The following ITGA1 variants were observed in gnomAD, a reference collection of about 807,000 sequenced individuals.
ITGA1 encodes the protein integrin alpha-1.
ITGA1 carries 85 observed loss-of-function variants against 145.9 expected under a neutral mutation model. That is an observed-to-expected ratio of 0.58 (90% CI 0.49 to 0.70). The LOEUF (loss-of-function observed/expected upper bound fraction) is 0.70, where lower values mean the gene tolerates loss of function less well. Ranked by LOEUF, ITGA1 falls within the 30% of genes least tolerant of loss-of-function variation. ITGA1 has a pLI of 0.00. For missense variants in ITGA1, 1,351 were observed against 1,418.7 expected (o/e 0.95, Z 0.77); for synonymous variants, 520 against 495.3 (o/e 1.05, Z -0.66).
chr5:52,937,259 G>A (rs553892687), intron 23 of ITGA1, 142 bp from the exon 24 acceptor site: 22 of 640,602 alleles, frequency 3.4e-5, no homozygotes, highest in African/African-American at 3.3e-4. Flanking sequence ...TCTCTGTACA[G>A]CACCATAAAG....
chr5:52,800,700 CGAGCTG>C, intron 1 of ITGA1: 3 of 1,614,220 alleles, frequency 1.9e-6, no homozygotes, highest in Non-Finnish European at 2.5e-6. Flanking sequence ...ACCACACCAT[CGAGCTG>C]GAGCCCAACC....
intron 2 of ITGA1, among the ~76,000 whole-genome samples, chr5:52,857,885 C>A (rs1355235790): frequency 6.6e-6 from 1 of 152,140 alleles, no homozygotes; most frequent in African/African-American, 2.4e-5. Flanking sequence ...CCTTTCTTGG[C>A]CTTTCTTCCT....
intron 26 of ITGA1, among the ~76,000 whole-genome samples, chr5:52,943,451 G>A (rs554330204): frequency 9.3e-4 from 142 of 152,270 alleles, no homozygotes; most frequent in Non-Finnish European, 6.2e-4. Flanking sequence ...TGGTGTTGTT[G>A]TTTGAGCTGT....
intron 1 of ITGA1, chr5:52,803,263 AT>A (rs1323581154): frequency 6.6e-6 from 1 of 152,140 alleles, no homozygotes; most frequent in Non-Finnish European, 1.5e-5. Context: ...ACATATGTAT[AT>A]TTTTGTACAT....
At position 52,937,503 on chromosome 5, in the gene ITGA1, T is replaced by C; in HGVS notation, c.3067T>C (p.Ser1023Pro). 1 of 1,599,478 alleles carries C rather than the reference T, an allele frequency of 6.3e-7. No homozygotes were observed. Among genetic ancestry groups the C allele is most frequent in the Non-Finnish European group, 8.6e-7 (1 of 1,166,814 alleles). ...CCCTGTGCTGTACCCAACTGGATTGTCATCTTCTGAGGTAAGTCATGTGTG... is the reference window on the plus strand; with the variant it reads ...CCCTGTGCTGTACCCAACTGGATTGCCATCTTCTGAGGTAAGTCATGTGTG... ...GYPVLYPTGL[S>P]SSENANCRPH... is the part of the protein sequence containing the mutation. Residue 1023 changes from serine (S) to proline (P), a missense_variant, in exon 24 of 29, where the codon TCA becomes CCA. Transcript: ENST00000282588.
chr5:52,933,981 T>C lies in ITGA1; in HGVS notation c.2949T>C (p.Ile983=). ...INSTEDIGNE[I]NIFYLIRKSG... is the part of the protein sequence containing the mutation. ...CTACTGAGGACATTGGAAATGAAATTAATATCTTCTACTTGGTAAGAAATT... is the reference window on the plus strand; with the variant it reads ...CTACTGAGGACATTGGAAATGAAATCAATATCTTCTACTTGGTAAGAAATT... The change falls in exon 23 of 29, where the codon ATT becomes ATC. Residue 983 remains isoleucine, a synonymous_variant. Coordinates refer to ENST00000282588, the MANE Select transcript of ITGA1 (RefSeq NM_181501.2). 1 of 1,427,134 alleles carries C rather than the reference T, an allele frequency of 7.0e-7. No homozygotes were observed. 88.4% of individuals were successfully genotyped at this position (1,427,134 alleles called of 1,614,324 possible).
intron 6 of ITGA1, among the ~76,000 whole-genome samples, chr5:52,871,265 C>T (rs953810160): frequency 1.3e-5 from 2 of 152,016 alleles, no homozygotes; most frequent in Non-Finnish European, 2.9e-5. Flanking sequence ...TCATTTGGTA[C>T]AGCCTAAATT....
At chr5:52,863,331 G>T (rs549032759) in intron 3 of ITGA1, among the ~76,000 whole-genome samples, 1 of 152,130 alleles carries the variant, frequency 6.6e-6, no homozygotes, top group South Asian at 2.1e-4. Context: ...TTGTTTTGTG[G>T]CTCTTTTTCT....
intron 6 of ITGA1, among the ~76,000 whole-genome samples, chr5:52,879,301 C>A (rs1749917097): frequency 1.3e-5 from 2 of 151,804 alleles, no homozygotes. Context: ...AGTTCTTTAG[C>A]CTCTTAATCA....
At chr5:52,888,915 T>C (rs1311841076) in intron 8 of ITGA1, among the ~76,000 whole-genome samples, 1 of 152,190 alleles carries the variant, frequency 6.6e-6, no homozygotes, top group Admixed American at 6.5e-5. Flanking sequence ...TCTGGGATGG[T>C]CACTGATACT....
At chr5:52,855,365 C>A (rs1390760806) in intron 2 of ITGA1, among the ~76,000 whole-genome samples, 1 of 152,140 alleles carries the variant, frequency 6.6e-6, no homozygotes, top group Non-Finnish European at 1.5e-5. Flanking sequence ...ATTTTACAAT[C>A]CAGACCTCTT....
chr5:52,798,062 G>A (rs1050909305), intron 1 of ITGA1, among the ~76,000 whole-genome samples: 1 of 152,108 alleles, frequency 6.6e-6, no homozygotes, highest in Non-Finnish European at 1.5e-5. Context: ...ACACACACAA[G>A]CACACTTTCA....
At chr5:52,795,310 T>C (rs1452593762) in intron 1 of ITGA1, among the ~76,000 whole-genome samples, 1 of 151,796 alleles carries the variant, frequency 6.6e-6, no homozygotes, top group African/African-American at 2.4e-5. Flanking sequence ...AGGTGCTTTA[T>C]AAGGAATAAC....
intron 26 of ITGA1, 99 bp from the exon 27 acceptor site, chr5:52,944,844 C>T (rs937481441): frequency 1.3e-6 from 1 of 795,988 alleles, no homozygotes; most frequent in Non-Finnish European, 2.0e-6. Context: ...TTTAATCTCT[C>T]AGAAAAATCT....
chr5:52,950,933 A>G (rs749067996), intron 28 of ITGA1, among the ~76,000 whole-genome samples: 10 of 152,148 alleles, frequency 6.6e-5, no homozygotes, highest in Non-Finnish European at 1.2e-4. Flanking sequence ...GAACTTTTAT[A>G]CTTGGCTCAT....
intron 1 of ITGA1, chr5:52,802,797 C>T (rs1300307058): frequency 3.9e-5 from 6 of 152,098 alleles, no homozygotes; most frequent in Non-Finnish European, 8.8e-5. Context: ...GTGAAGAAGC[C>T]TGTTCTAAAG....
chr5:52,831,205 T>C (rs1208579967), intron 1 of ITGA1, among the ~76,000 whole-genome samples: 2 of 152,116 alleles, frequency 1.3e-5, no homozygotes, highest in African/African-American at 4.8e-5. Context: ...AAATCTTGGC[T>C]CACTGCAACC....
chr5:52,908,780 A>G (rs1750450289), intron 12 of ITGA1, 118 bp from the exon 13 acceptor site: 4 of 1,094,980 alleles, frequency 3.7e-6, no homozygotes, highest in Non-Finnish European at 5.3e-6. Flanking sequence ...TTTATCTTTC[A>G]TTTCCTTTGC....
chr5:52,898,484 G>C (rs923815541), intron 11 of ITGA1, 101 bp downstream of exon 11: 38 of 1,064,522 alleles, frequency 3.6e-5, no homozygotes, highest in Non-Finnish European at 4.8e-5. Context: ...CCATATAGCA[G>C]GATTATTTCA....
Sources: gnomAD v4.1 joint callset for allele counts (sites outside exome capture counted in the v4.1 genomes callset) on GRCh38, gnomAD v4.1.1 for gene constraint, MANE v1.5 for transcripts, NCBI Gene and HGNC (gene_info 2026-07-23, HGNC 2026-07-21) for gene names.